HIPK3: variants seen among roughly 807,000 people sequenced by gnomAD.
HIPK3 encodes homeodomain interacting protein kinase 3, also known as homeodomain-interacting protein kinase 3.
HIPK3 carries 47 observed loss-of-function variants against 124.2 expected under a neutral mutation model. That is an observed-to-expected ratio of 0.38 (90% CI 0.30 to 0.48). The LOEUF is 0.48. HIPK3 is among the 20% of genes least tolerant of loss of function. HIPK3 has a pLI of 0.98. For missense variants in HIPK3, 1,286 were observed against 1,454.3 expected (o/e 0.88, Z 1.88); for synonymous variants, 482 against 515.2 (o/e 0.94, Z 0.87).
chr11:33,347,634 G>C lies in HIPK3; in HGVS notation c.2025G>C (p.Trp675Cys). The C allele has an allele frequency of 3.7e-6, 6 of 1,613,642 alleles. No homozygotes were observed. The highest frequency in any genetic ancestry group is 5.1e-6 in the Non-Finnish European group (6 of 1,179,728). Residue 675 changes from tryptophan (W) to cysteine (C), a missense_variant, in exon 10 of 17, where the codon TGG becomes TGC. This residue lies in a region of HIPK3 where 810 missense variants were observed against 864.9 expected (regional missense o/e 0.94). Transcript: ENST00000303296. The stretch of plus-strand genomic sequence containing the variant: ...TTTTGCTTTGCTGCAAGCAGACGTG[G>C]TCTGGTAGAACACAGCAGATGCTGG... ...QIRPGVLSQT[W>C]SGRTQQMLVP...
intron 2 of HIPK3, among the ~76,000 whole-genome samples, chr11:33,297,812 T>TG (rs1310892328): frequency 7.4e-6 from 1 of 135,944 alleles, no homozygotes; most frequent in East Asian, 2.1e-4. Context: ...TTTCTTGAGA[T>TG]GGAGTCTTGC....
chr11:33,280,120 A>G (rs1851374487), intron 1 of HIPK3, among the ~76,000 whole-genome samples: 1 of 152,188 alleles, frequency 6.6e-6, no homozygotes, highest in African/African-American at 2.4e-5. Flanking sequence ...GGTTGCTCTA[A>G]TAGGAGTCTT....
chr11:33,332,635 A>G (rs977788100), intron 3 of HIPK3, among the ~76,000 whole-genome samples: 3 of 152,236 alleles, frequency 2.0e-5, no homozygotes, highest in African/African-American at 7.2e-5. Context: ...TTCAAGTCTT[A>G]TGTAAGAAAA....
chr11:33,309,286 C>T (rs868505532), intron 2 of HIPK3, among the ~76,000 whole-genome samples: 1 of 152,130 alleles, frequency 6.6e-6, no homozygotes, highest in Non-Finnish European at 1.5e-5. Flanking sequence ...CCCTCCTTCC[C>T]TCCTTTTTGT....
chr11:33,321,757 T>C (rs1279193773), intron 2 of HIPK3, among the ~76,000 whole-genome samples: 1 of 152,190 alleles, frequency 6.6e-6, no homozygotes, highest in African/African-American at 2.4e-5. Context: ...CACACATTCT[T>C]TTACTTAGTC....
At position 33,264,827 on chromosome 11, in the gene HIPK3, A is replaced by G. The variant is rs141041678; in HGVS notation, c.-3+6938A>G. On this transcript the variant is annotated intron_variant, in intron 1 of 16. Transcript: ENST00000303296. ...TTGCAGGATATAACTTTGCTTATTA[A>G]ATATTTCCTACCCTATAAATTGGCA... 5.7e-3 allele frequency among the ~76,000 whole-genome samples: 861 copies of G among 152,330 alleles called. 4 individuals carry two copies. The highest frequency in any genetic ancestry group is 9.6e-3 in the Non-Finnish European group (654 of 68,016).
In HIPK3 at chr11:33,353,366, A is replaced by G. The variant is rs1164175602; in HGVS notation, c.3446A>G (p.His1149Arg). 6.2e-7 allele frequency: 1 copy of G among 1,614,156 alleles called. No individual in the cohort carries two copies. The highest frequency in any genetic ancestry group is 8.5e-7 in the Non-Finnish European group (1 of 1,180,024). Residue 1149 changes from histidine (H) to arginine (R), a missense_variant, in exon 17 of 17, where the codon CAT becomes CGT. Physicochemically the swap from His to Arg is conservative, Grantham distance 29. This residue lies in a region of HIPK3 where 810 missense variants were observed against 864.9 expected (regional missense o/e 0.94). Coordinates refer to ENST00000303296, the MANE Select transcript of HIPK3 (RefSeq NM_005734.5). ...TGTACCTCAAGACCTATGTTACAGC[A>G]TCCAACTTATAATATCTCCCATCCC... ...SPCTSRPMLQ[H>R]PTYNISHPSG...
At chr11:33,272,915 T>C (rs1851173368) in intron 1 of HIPK3, among the ~76,000 whole-genome samples, 1 of 149,554 alleles carries the variant, frequency 6.7e-6, no homozygotes, top group Non-Finnish European at 1.5e-5. Flanking sequence ...GTAGGCACTA[T>C]CACAGCCAAG....
chr11:33,270,337 C>T (rs768692800), intron 1 of HIPK3, among the ~76,000 whole-genome samples: 32 of 151,548 alleles, frequency 2.1e-4, no homozygotes, highest in Middle Eastern at 3.4e-3. Flanking sequence ...TTTTTTGAGA[C>T]GGAGTCTGTC....
chr11:33,339,568 A>T (rs751260598), intron 6 of HIPK3, 34 bp downstream of exon 6: 26 of 1,176,642 alleles, frequency 2.2e-5, no homozygotes, highest in Non-Finnish European at 3.0e-5. Context: ...AAGTGGTTCT[A>T]AAAAAAAATA....
At chr11:33,341,730 A>G (rs1298106998) in intron 8 of HIPK3, 44 bp downstream of exon 8, 1 of 1,514,786 alleles carries the variant, frequency 6.6e-7, no homozygotes, top group East Asian at 2.3e-5. Context: ...GGCATGCTTT[A>G]TTTTAAAATA....
chr11:33,329,522 G>A (rs1852910469), intron 3 of HIPK3, among the ~76,000 whole-genome samples: 1 of 152,168 alleles, frequency 6.6e-6, no homozygotes, highest in South Asian at 2.1e-4. Flanking sequence ...AGGAAAAAGA[G>A]AGGTAATTAA....
chr11:33,282,299 C>T (rs572286726), intron 1 of HIPK3, among the ~76,000 whole-genome samples: 115 of 151,932 alleles, frequency 7.6e-4, no homozygotes, highest in Admixed American at 3.3e-3. Context: ...GTGGGAGGAT[C>T]GTTTGAGCTC....
chr11:33,284,773 C>G (rs1466759719), intron 1 of HIPK3, among the ~76,000 whole-genome samples: 1 of 152,156 alleles, frequency 6.6e-6, no homozygotes, highest in African/African-American at 2.4e-5. Context: ...TAGGGAAATT[C>G]CAAGATAATT....
At position 33,299,593 on chromosome 11, in the gene HIPK3, A is replaced by G. The variant is rs557055741; in HGVS notation, c.1097+12082A>G. 1.4e-3 allele frequency among the ~76,000 whole-genome samples: 218 copies of G among 152,350 alleles called. 2 individuals carry two copies. Among genetic ancestry groups the G allele is most frequent in the African/African-American group, 5.0e-3 (206 of 41,578 alleles). On this transcript the variant is annotated intron_variant, in intron 2 of 16. Transcript: ENST00000303296. The stretch of plus-strand genomic sequence containing the variant: ...TTATATCAACTTAGTTGATAAAGCC[A>G]GCAGCAAGGTTTGAGAGGATTGGCT...
chr11:33,283,487 G>T (rs1242696287), intron 1 of HIPK3, among the ~76,000 whole-genome samples: 1 of 152,120 alleles, frequency 6.6e-6, no homozygotes, highest in Non-Finnish European at 1.5e-5. Flanking sequence ...AGGTTTTGTA[G>T]CAGATTTATT....
rs1373813596 is a variant in HIPK3 at position 33,286,558 on chromosome 11, A to C, written c.144A>C (p.Arg48Ser). The change falls in exon 2 of 17, where the codon AGA (arginine) becomes AGC (serine). Residue 48 changes from arginine (R) to serine (S), a missense_variant. Arg to Ser is a moderately radical substitution (Grantham distance 110, BLOSUM62 -1). Around this residue, in one of 3 missense-constraint regions of HIPK3, gnomAD observed 225 missense variants for 240.3 expected, o/e 0.94. Transcript: ENST00000303296. ...RNYPRTYVNG[R>S]NFGNSHPPTK... ...ATCCACGGACCTATGTGAATGGTAG[A>C]AACTTTGGAAATTCTCATCCTCCCA... 2 of 1,614,076 alleles carry C rather than the reference A, an allele frequency of 1.2e-6. No individual in the cohort carries two copies. Among genetic ancestry groups the C allele is most frequent in the Admixed American group, 3.3e-5 (2 of 60,006 alleles).
rs143180228 is a variant in HIPK3 at position 33,303,163 on chromosome 11, A to G, written c.1097+15652A>G. Among the ~76,000 whole-genome samples, 58 of 152,336 alleles carry G rather than the reference A, an allele frequency of 3.8e-4. No individual in the cohort carries two copies. In the East Asian group the frequency reaches 0.011, roughly 28 times the overall value. The stretch of plus-strand genomic sequence containing the variant: ...CCCCCACGGACATCAAAATCCACAG[A>G]CACTCAAGTCCCTTATATAAAATGG... On this transcript the variant is annotated intron_variant, in intron 2 of 16. Coordinates refer to ENST00000303296, the MANE Select transcript of HIPK3 (RefSeq NM_005734.5).
In HIPK3 at chr11:33,287,316, C is replaced by T; in HGVS notation, c.902C>T (p.Pro301Leu). The change falls in exon 2 of 17, where the codon CCC (proline) becomes CTC (leucine). Residue 301 changes from proline (P) to leucine (L), a missense_variant. This residue lies in a region of HIPK3 where 251 missense variants were observed against 349.1 expected (regional missense o/e 0.72). Transcript: ENST00000303296. The stretch of plus-strand genomic sequence containing the variant: ...CCCCTGCCACTAAAAGTGATTCGGC[C>T]CATTCTTCAACAAGTGGCCACTGCA... The part of the protein sequence containing the change: ...FSPLPLKVIR[P>L]ILQQVATALK... 1 of 1,614,064 alleles carries T rather than the reference C, an allele frequency of 6.2e-7. No homozygotes were observed. Among genetic ancestry groups the T allele is most frequent in the Non-Finnish European group, 8.5e-7 (1 of 1,179,996 alleles).
Sources: gnomAD v4.1 joint callset for allele counts (sites outside exome capture counted in the v4.1 genomes callset) on GRCh38, gnomAD v4.1.1 for gene constraint, gnomAD v4.1.1 regional missense constraint, MANE v1.5 for transcripts, NCBI Gene and HGNC (gene_info 2026-07-23, HGNC 2026-07-21) for gene names.